ARHGEF38: variants seen among roughly 807,000 people sequenced by gnomAD.
The protein encoded by ARHGEF38 is Rho guanine nucleotide exchange factor (GEF) 38.
Under a neutral mutation model 79.9 loss-of-function variants are expected in ARHGEF38, and 79 were observed. The ratio of observed to expected loss-of-function variants is 0.99; its 90% CI spans 0.82 to 1.19. The LOEUF (loss-of-function observed/expected upper bound fraction) is 1.19, where lower values mean the gene tolerates loss of function less well. Ranked by LOEUF, ARHGEF38 falls within the 50% of genes most tolerant of loss-of-function variation. The probability of loss-of-function intolerance (pLI) is 0.00; values close to 1 mark genes in which losing one functional copy is unlikely to be tolerated. For synonymous variants in ARHGEF38, 366 were observed against 328.3 expected (o/e 1.11, Z -1.24); for missense variants, 962 against 907.2 (o/e 1.06, Z -0.78).
At chr4:105,644,616 A>AT (rs1303299495) in intron 5 of ARHGEF38, among the ~76,000 whole-genome samples, 1 of 152,244 alleles carries the variant, frequency 6.6e-6, no homozygotes, top group Non-Finnish European at 1.5e-5. Flanking sequence ...ATGATTAGTG[A>AT]TAGGGATAGT....
In ARHGEF38 at chr4:105,679,134, G is replaced by T; in HGVS notation, c.*1197G>T. On this transcript the variant is annotated 3_prime_UTR_variant, in exon 14 of 14. Coordinates refer to ENST00000420470, the MANE Select transcript of ARHGEF38 (RefSeq NM_001242729.2). Reference sequence around the variant, plus strand: ...TCTACCATCTTGCCGACTTTCCTGAGCAACTGCTTTGTCGACTCTCTCTAC... The same window carrying T: ...TCTACCATCTTGCCGACTTTCCTGATCAACTGCTTTGTCGACTCTCTCTAC... 1 of 590,622 alleles carries T rather than the reference G, an allele frequency of 1.7e-6. No individual in the cohort carries two copies. Among genetic ancestry groups the T allele is most frequent in the Non-Finnish European group, 2.7e-6 (1 of 365,694 alleles). The allele number at this position is 590,622 out of a possible 1,614,324, so 36.6% of individuals were successfully genotyped here. A position where few individuals can be genotyped will look rare whatever the true frequency, so the allele number is the denominator to read the frequency against.
chr4:105,667,940 A>G (rs964692577), intron 13 of ARHGEF38, among the ~76,000 whole-genome samples: 3 of 152,226 alleles, frequency 2.0e-5, no homozygotes, highest in Non-Finnish European at 2.9e-5. Context: ...CACAAAGTAG[A>G]CACACAATAA....
intron 1 of ARHGEF38, among the ~76,000 whole-genome samples, chr4:105,568,384 T>A (rs1726045622): frequency 6.6e-6 from 1 of 151,550 alleles, no homozygotes; most frequent in South Asian, 2.1e-4. Context: ...ACTTTTACAC[T>A]GTTGGTGGGA....
intron 1 of ARHGEF38, among the ~76,000 whole-genome samples, chr4:105,553,429 C>T (rs868754703): frequency 6.6e-5 from 10 of 152,098 alleles, no homozygotes; most frequent in Non-Finnish European, 1.3e-4. Context: ...AAACTATAAT[C>T]GTGTCTGTGA....
intron 13 of ARHGEF38, among the ~76,000 whole-genome samples, chr4:105,669,249 T>A (rs1730877109): frequency 6.6e-6 from 1 of 151,952 alleles, no homozygotes; most frequent in African/African-American, 2.4e-5. Context: ...TAAACCTAAA[T>A]AGCTATCTTA....
chr4:105,604,702 A>T (rs1481594418), intron 2 of ARHGEF38, among the ~76,000 whole-genome samples: 1 of 152,134 alleles, frequency 6.6e-6, no homozygotes, highest in Non-Finnish European at 1.5e-5. Flanking sequence ...TATTGCTATA[A>T]GCTCTCAGTT....
chr4:105,581,560 A>G (rs1726790880), intron 1 of ARHGEF38, among the ~76,000 whole-genome samples: 1 of 152,188 alleles, frequency 6.6e-6, no homozygotes, highest in Non-Finnish European at 1.5e-5. Context: ...AGTTCATTAT[A>G]CAACTCAACT....
intron 6 of ARHGEF38, among the ~76,000 whole-genome samples, chr4:105,647,537 T>C (rs1729901537): frequency 1.3e-5 from 2 of 152,216 alleles, no homozygotes; most frequent in African/African-American, 4.8e-5. Context: ...CAAATAAAAC[T>C]TTGTATACTT....
chr4:105,563,109 C>T (rs576048788), intron 1 of ARHGEF38, among the ~76,000 whole-genome samples: 1 of 152,274 alleles, frequency 6.6e-6, no homozygotes, highest in Non-Finnish European at 1.5e-5. Context: ...GCACTCCCGG[C>T]AGCTGAAATA....
At chr4:105,630,752 C>G (rs766768028) in intron 3 of ARHGEF38, 146 bp from the exon 4 acceptor site, 43 of 530,010 alleles carry the variant, frequency 8.1e-5, no homozygotes, top group Non-Finnish European at 1.1e-4. Context: ...AAAAATCACT[C>G]AATGTTTTCC....
At chr4:105,619,788 C>T (rs1728665935) in intron 3 of ARHGEF38, among the ~76,000 whole-genome samples, 2 of 152,124 alleles carry the variant, frequency 1.3e-5, no homozygotes, top group South Asian at 4.1e-4. Flanking sequence ...TGTAGACAGA[C>T]CAAAATGAGT....
intron 4 of ARHGEF38, chr4:105,631,702 A>G: frequency 1.0e-6 from 1 of 954,722 alleles, no homozygotes; most frequent in Non-Finnish European, 1.2e-6. Flanking sequence ...TTTCTTCTTA[A>G]TAATCATTTT....
At chr4:105,634,305 C>T (rs1729314732) in intron 4 of ARHGEF38, among the ~76,000 whole-genome samples, 1 of 152,184 alleles carries the variant, frequency 6.6e-6, no homozygotes, top group African/African-American at 2.4e-5. Flanking sequence ...AGTTTGGAGA[C>T]CTTCAAAAAG....
chr4:105,635,996 A>G (rs1729381620), intron 4 of ARHGEF38, among the ~76,000 whole-genome samples: 1 of 152,044 alleles, frequency 6.6e-6, no homozygotes, highest in Non-Finnish European at 1.5e-5. Context: ...AACTTATTAA[A>G]TCCATTAAAT....
chr4:105,592,642 C>T (rs1237602696), intron 2 of ARHGEF38, among the ~76,000 whole-genome samples: 2 of 152,136 alleles, frequency 1.3e-5, no homozygotes, highest in Admixed American at 6.6e-5. Flanking sequence ...GAATTAATCT[C>T]TTATAAAATT....
intron 6 of ARHGEF38, among the ~76,000 whole-genome samples, chr4:105,647,140 T>G (rs1729877703): frequency 6.6e-6 from 1 of 152,178 alleles, no homozygotes; most frequent in African/African-American, 2.4e-5. Flanking sequence ...TCTTTATATT[T>G]TTCTGTTTGC....
At chr4:105,676,325 G>T (rs1158414239) in intron 13 of ARHGEF38, among the ~76,000 whole-genome samples, 1 of 152,284 alleles carries the variant, frequency 6.6e-6, no homozygotes, top group Middle Eastern at 3.4e-3. Context: ...ATTTATGAAA[G>T]ATAACTTATT....
At chr4:105,572,586 G>A (rs577545969) in intron 1 of ARHGEF38, among the ~76,000 whole-genome samples, 35 of 152,090 alleles carry the variant, frequency 2.3e-4, no homozygotes, top group African/African-American at 7.5e-4. Flanking sequence ...TCCACTTTCC[G>A]TTTCTATGAT....
In ARHGEF38 at chr4:105,630,919, A is replaced by C; in HGVS notation, c.530A>C (p.Lys177Thr). ...TCAGGAGAAGTATTCTTGCAGATTA[A>C]AGGGCCACTGGAAGATATTTATAAA... ...QVIGEVFLQIKGPLEDIYKIY... is the reference protein window; with the variant it reads ...QVIGEVFLQITGPLEDIYKIY... Residue 177 changes from lysine to threonine, a missense_variant, in exon 4 of 14, where the codon AAA (lysine) becomes ACA (threonine). Coordinates refer to ENST00000420470, the MANE Select transcript of ARHGEF38 (RefSeq NM_001242729.2). 1 of 1,611,170 alleles carries C rather than the reference A, an allele frequency of 6.2e-7. No individual in the cohort carries two copies. The highest frequency in any genetic ancestry group is 8.5e-7 in the Non-Finnish European group (1 of 1,179,114).
Sources: gnomAD v4.1 joint callset for allele counts (sites outside exome capture counted in the v4.1 genomes callset) on GRCh38, gnomAD v4.1.1 for gene constraint, MANE v1.5 for transcripts, NCBI Gene and HGNC (gene_info 2026-07-23, HGNC 2026-07-21) for gene names.